AUTS2: variants seen among roughly 807,000 people sequenced by gnomAD.
AUTS2 encodes the protein activator of transcription and developmental regulator AUTS2, also known as autism susceptibility gene 2 protein.
In AUTS2, 17 loss-of-function variants were observed where a neutral mutation model predicts 112.4. The ratio of observed to expected loss-of-function variants is 0.15; its 90% CI spans 0.10 to 0.23. AUTS2 has a LOEUF of 0.23. AUTS2 is among the 10% of genes least tolerant of loss of function. The pLI is 1.00. For missense variants in AUTS2, 1,510 were observed against 1,701.6 expected, an observed-to-expected ratio of 0.89 and a Z score of 1.98; for synonymous variants, 751 against 702.7, an observed-to-expected ratio of 1.07 and a Z score of -1.09.
intron 4 of AUTS2, among the ~76,000 whole-genome samples, chr7:70,135,809 G>T (rs1806527304): frequency 6.6e-6 from 1 of 152,128 alleles, no homozygotes; most frequent in African/African-American, 2.4e-5. Flanking sequence ...TCCTGCTTCA[G>T]CAGTCGAAAT....
intron 5 of AUTS2, among the ~76,000 whole-genome samples, chr7:70,671,818 G>C (rs557970923): frequency 6.6e-6 from 1 of 152,228 alleles, no homozygotes; most frequent in Non-Finnish European, 1.5e-5. Context: ...ATGGTTTGGC[G>C]CAGAGCTCTG....
chr7:70,733,749 G>T (rs965899529), intron 6 of AUTS2, among the ~76,000 whole-genome samples: 14 of 151,872 alleles, frequency 9.2e-5, no homozygotes. Context: ...ACCACACCCT[G>T]ATAATTTTTG....
At chr7:69,649,421 C>T (rs1795187565) in intron 1 of AUTS2, among the ~76,000 whole-genome samples, 1 of 152,162 alleles carries the variant, frequency 6.6e-6, no homozygotes, top group South Asian at 2.1e-4. Flanking sequence ...TGTTCCTTAA[C>T]TCTTAAAGAG....
chr7:69,873,178 A>C (rs1793580984), intron 1 of AUTS2, among the ~76,000 whole-genome samples: 1 of 152,096 alleles, frequency 6.6e-6, no homozygotes, highest in South Asian at 2.1e-4. Context: ...TGAGGAAAAA[A>C]GATTAATGTT....
intron 5 of AUTS2, among the ~76,000 whole-genome samples, chr7:70,492,044 G>C (rs1487866268): frequency 6.6e-6 from 1 of 152,156 alleles, no homozygotes; most frequent in Non-Finnish European, 1.5e-5. Context: ...TCCTCAGGCT[G>C]ACCACGCTGG....
intron 4 of AUTS2, among the ~76,000 whole-genome samples, chr7:70,321,188 A>G (rs748970466): frequency 1.3e-5 from 2 of 152,240 alleles, no homozygotes; most frequent in Non-Finnish European, 2.9e-5. Flanking sequence ...TCACCCAGCT[A>G]GTAAAAGGTA....
At chr7:70,203,309 C>T (rs1267082331) in intron 4 of AUTS2, among the ~76,000 whole-genome samples, 1 of 100,292 alleles carries the variant, frequency 1.0e-5, no homozygotes, top group Non-Finnish European at 1.9e-5. Context: ...CTAACCTGCA[C>T]AATGTGCACA....
intron 4 of AUTS2, among the ~76,000 whole-genome samples, chr7:70,245,169 TA>T (rs1180448969): frequency 6.7e-5 from 8 of 118,602 alleles, no homozygotes; most frequent in East Asian, 2.4e-4. Flanking sequence ...TATATATATA[TA>T]AAAAATAAAA....
At chr7:69,616,509 GT>G (rs922482679) in intron 1 of AUTS2, among the ~76,000 whole-genome samples, 12 of 152,192 alleles carry the variant, frequency 7.9e-5, no homozygotes, top group Admixed American at 3.3e-4. Context: ...GTAGTTGGAT[GT>G]TTTTTCCCCC....
chr7:70,496,408 C>T (rs1456171007), intron 5 of AUTS2, among the ~76,000 whole-genome samples: 2 of 142,538 alleles, frequency 1.4e-5, no homozygotes, highest in Non-Finnish European at 3.0e-5. Context: ...CAGTCACACA[C>T]ACACCCCACA....
At position 70,376,905 on chromosome 7, in the gene AUTS2, C is replaced by T. The variant is rs891680563; in HGVS notation, c.661-58847C>T. ...ATTTAATAATCATGCTCTGTTATTGCGTGTTGTTGAATGAAACCTCAGGTC... is the reference window on the plus strand; with the variant it reads ...ATTTAATAATCATGCTCTGTTATTGTGTGTTGTTGAATGAAACCTCAGGTC... On this transcript the variant is annotated intron_variant, in intron 4 of 18. Transcript: ENST00000342771. Among the ~76,000 whole-genome samples the T allele has an allele frequency of 4.0e-5, 6 of 151,430 alleles. No homozygotes were observed. The South Asian group carries it at 1.1e-3, about 27-fold the overall frequency.
chr7:70,772,928 C>T (rs1230213819), intron 11 of AUTS2, among the ~76,000 whole-genome samples: 1 of 152,228 alleles, frequency 6.6e-6, no homozygotes, highest in Non-Finnish European at 1.5e-5. Flanking sequence ...ACTGGTAGGT[C>T]ATTTAATAAA....
intron 1 of AUTS2, among the ~76,000 whole-genome samples, chr7:69,617,109 A>T (rs1793421725): frequency 6.6e-6 from 1 of 152,216 alleles, no homozygotes; most frequent in African/African-American, 2.4e-5. Context: ...TTTATAAAGC[A>T]GGGTAAAGCA....
intron 1 of AUTS2, among the ~76,000 whole-genome samples, chr7:69,890,196 C>T (rs1794459467): frequency 6.6e-6 from 1 of 152,176 alleles, no homozygotes; most frequent in South Asian, 2.1e-4. Context: ...CGGCAGCCAA[C>T]TCTCAATTAT....
intron 1 of AUTS2, among the ~76,000 whole-genome samples, chr7:69,835,520 T>C (rs1475817229): frequency 6.6e-6 from 1 of 152,150 alleles, no homozygotes; most frequent in South Asian, 2.1e-4. Flanking sequence ...ATGCCATCTT[T>C]TGAGATAGGT....
At chr7:70,388,710 C>A (rs918312123) in intron 4 of AUTS2, among the ~76,000 whole-genome samples, 1 of 152,118 alleles carries the variant, frequency 6.6e-6, no homozygotes, top group African/African-American at 2.4e-5. Flanking sequence ...TCCTAATATC[C>A]ATTTCATAAT....
chr7:70,768,674 TA>T (rs375959293), intron 10 of AUTS2, among the ~76,000 whole-genome samples: 4 of 151,880 alleles, frequency 2.6e-5, no homozygotes, highest in Admixed American at 2.0e-4. Context: ...TTAAAAAAAA[TA>T]AAAAAAACTT....
At chr7:69,750,709 T>G (rs2129267398) in intron 1 of AUTS2, among the ~76,000 whole-genome samples, 1 of 152,146 alleles carries the variant, frequency 6.6e-6, no homozygotes, top group East Asian at 1.9e-4. Context: ...GTGCTGGGTT[T>G]ATAGGCATGA....
intron 5 of AUTS2, among the ~76,000 whole-genome samples, chr7:70,651,232 T>C (rs1806490276): frequency 6.6e-6 from 1 of 152,180 alleles, no homozygotes; most frequent in East Asian, 1.9e-4. Context: ...TTAAATAAGG[T>C]ACCCAGTGCC....
Sources: allele counts gnomAD v4.1 joint callset (sites outside exome capture counted in the v4.1 genomes callset), GRCh38; gene constraint gnomAD v4.1.1; transcripts MANE v1.5; gene names NCBI Gene and HGNC (gene_info 2026-07-23, HGNC 2026-07-21).